The following MTF2 variants were observed in gnomAD, a reference collection of about 807,000 sequenced individuals.
The protein encoded by MTF2 is metal-response element-binding transcription factor 2.
A neutral mutation model predicts 79.5 loss-of-function variants in MTF2; 11 were observed. The observed-to-expected ratio is 0.14, with a 90% CI of 0.09 to 0.23. The LOEUF is 0.23. Ranked by LOEUF, MTF2 falls within the 10% of genes least tolerant of loss-of-function variation. The pLI is 1.00. For missense variants in MTF2, 486 were observed against 711.2 expected (o/e 0.68, Z 3.60); for synonymous variants, 208 against 232.8 (o/e 0.89, Z 0.97).
intron 1 of MTF2, among the ~76,000 whole-genome samples, chr1:93,090,689 A>T (rs956356203): frequency 1.6e-5 from 2 of 127,578 alleles, no homozygotes; most frequent in African/African-American, 3.0e-5. Context: ...TTTGAGACGG[A>T]GTCTAACTGT....
intron 1 of MTF2, among the ~76,000 whole-genome samples, chr1:93,105,188 A>AGGTTAGTG (rs1329425903): frequency 5.9e-5 from 8 of 135,252 alleles, no homozygotes; most frequent in Non-Finnish European, 9.5e-5. Context: ...GTTTGGGGGG[A>AGGTTAGTG]GGTTAGTGGG....
intron 1 of MTF2, among the ~76,000 whole-genome samples, chr1:93,086,022 T>C (rs1219102495): frequency 6.6e-6 from 1 of 152,212 alleles, no homozygotes; most frequent in Admixed American, 6.5e-5. Context: ...GTTTGTTTTA[T>C]ACCAACATCA....
At position 93,138,834 on chromosome 1, in the gene MTF2, ATTTCAT is replaced by A. The variant is rs1450892420; in HGVS notation, c.*1812_*1817del. On this transcript the variant is annotated 3_prime_UTR_variant, in exon 15 of 15. Coordinates refer to ENST00000370298, the MANE Select transcript of MTF2 (RefSeq NM_007358.4). ...TTATTCACTCCACCTGTATCATATT[ATTTCAT>A]TTTCCCCAAAGTCCTTTAATTCTAA... 6.6e-6 allele frequency: 1 copy of A among 152,182 alleles called. No individual in the cohort carries two copies. Among genetic ancestry groups the A allele is most frequent in the African/African-American group, 2.4e-5 (1 of 41,454 alleles). The allele number at this position is 152,182 out of a possible 1,614,324, so 9.4% of individuals were successfully genotyped here.
chr1:93,125,035 T>C (rs758403086), intron 9 of MTF2, among the ~76,000 whole-genome samples: 2 of 151,994 alleles, frequency 1.3e-5, no homozygotes, highest in Non-Finnish European at 2.9e-5. Flanking sequence ...CATGGAGTGC[T>C]GAAGGAACTT....
intron 1 of MTF2, among the ~76,000 whole-genome samples, chr1:93,107,601 C>G (rs1655848303): frequency 6.6e-6 from 1 of 152,212 alleles, no homozygotes; most frequent in Non-Finnish European, 1.5e-5. Context: ...GCTGAACTAG[C>G]AGCTTTTTCA....
intron 1 of MTF2, among the ~76,000 whole-genome samples, chr1:93,101,391 TTA>T (rs1655524380): frequency 7.2e-6 from 1 of 139,282 alleles, no homozygotes; most frequent in Admixed American, 7.2e-5. Context: ...TTTTTTTTTT[TTA>T]AAAGGAGATA....
intron 3 of MTF2, among the ~76,000 whole-genome samples, chr1:93,111,493 C>T (rs1450461816): frequency 2.6e-5 from 4 of 151,948 alleles, no homozygotes; most frequent in Non-Finnish European, 4.4e-5. Context: ...AGGTTTCTGC[C>T]ATGTTTTAGT....
intron 3 of MTF2, among the ~76,000 whole-genome samples, chr1:93,113,037 G>C (rs573313098): frequency 6.6e-6 from 1 of 152,062 alleles, no homozygotes. Flanking sequence ...TCTCATGATC[G>C]GAACCATAAA....
At chr1:93,096,847 G>C (rs1300093242) in intron 1 of MTF2, among the ~76,000 whole-genome samples, 1 of 135,616 alleles carries the variant, frequency 7.4e-6, no homozygotes, top group Non-Finnish European at 1.5e-5. Flanking sequence ...GTCTAGTTCA[G>C]CTTCCCAGGC....
intron 10 of MTF2, 181 bp from the exon 11 acceptor site, chr1:93,129,097 A>G: frequency 2.5e-6 from 1 of 407,980 alleles, no homozygotes; most frequent in Non-Finnish European, 4.4e-6. Flanking sequence ...CCTCCCCATC[A>G]TATCCTACTG....
chr1:93,079,426 C>A lies in MTF2; in HGVS notation c.-101C>A. On this transcript the variant is annotated 5_prime_UTR_variant, in exon 1 of 15. Coordinates refer to ENST00000370298, the MANE Select transcript of MTF2 (RefSeq NM_007358.4). ...CATATGTGCCGGGTACCCGGTGGGG[C>A]GGGTGCCCAGTAAGTGCTCGGACTC... 1 of 1,466,622 alleles carries A rather than the reference C, an allele frequency of 6.8e-7. No individual in the cohort carries two copies. The highest frequency in any genetic ancestry group is 9.5e-7 in the Non-Finnish European group (1 of 1,050,128). 90.9% of individuals were successfully genotyped at this position (1,466,622 alleles called of 1,614,324 possible).
At chr1:93,083,075 G>A (rs1028222442) in intron 1 of MTF2, among the ~76,000 whole-genome samples, 7 of 152,158 alleles carry the variant, frequency 4.6e-5, no homozygotes, top group East Asian at 1.9e-4. Flanking sequence ...AATTTTGATC[G>A]GCTTACGGTT....
At chr1:93,129,211 A>T in intron 10 of MTF2, 67 bp from the exon 11 acceptor site, 1 of 1,137,580 alleles carries the variant, frequency 8.8e-7, no homozygotes, top group Non-Finnish European at 1.2e-6. Context: ...TATGAAAGTT[A>T]AGTTAGGGTC....
At chr1:93,108,346 A>G (rs1417460138) in intron 1 of MTF2, among the ~76,000 whole-genome samples, 1 of 152,158 alleles carries the variant, frequency 6.6e-6, no homozygotes, top group East Asian at 1.9e-4. Context: ...TCGTAGTAGT[A>G]TTCATTGTAA....
At chr1:93,122,643 T>G (rs1656529566) in intron 9 of MTF2, among the ~76,000 whole-genome samples, 1 of 152,194 alleles carries the variant, frequency 6.6e-6, no homozygotes, top group African/African-American at 2.4e-5. Flanking sequence ...TATTTCCACT[T>G]TTTGACCATC....
chr1:93,112,210 G>A (rs756219457), intron 3 of MTF2, among the ~76,000 whole-genome samples: 3 of 152,116 alleles, frequency 2.0e-5, no homozygotes, highest in Non-Finnish European at 2.9e-5. Flanking sequence ...CCTGATATTA[G>A]CACATATGAA....
Position 93,137,338 on chromosome 1 carries a change from A to G in MTF2, c.*311A>G, listed in dbSNP as rs1647443210. 2 of 203,018 alleles carry G rather than the reference A, an allele frequency of 9.9e-6. No individual in the cohort carries two copies. The highest frequency in any genetic ancestry group is 5.3e-5 in the Admixed American group (1 of 19,032). The allele number at this position is 203,018 out of a possible 1,614,324, so 12.6% of individuals were successfully genotyped here. A position where few individuals can be genotyped will look rare whatever the true frequency, so the allele number is the denominator to read the frequency against. ...GTTAGACAATTTTTCTAATTATTCC[A>G]TTGAGTCAGTTTTTTGTGATTAGTG... On this transcript the variant is annotated 3_prime_UTR_variant, in exon 15 of 15. Coordinates refer to ENST00000370298, the MANE Select transcript of MTF2 (RefSeq NM_007358.4).
intron 1 of MTF2, among the ~76,000 whole-genome samples, chr1:93,107,263 T>C (rs1023366682): frequency 3.3e-5 from 5 of 152,220 alleles, no homozygotes; most frequent in African/African-American, 4.8e-5. Flanking sequence ...TTTGCTCTGT[T>C]GCCTAGGCTG....
At chr1:93,087,494 C>A (rs962198525) in intron 1 of MTF2, among the ~76,000 whole-genome samples, 2 of 151,912 alleles carry the variant, frequency 1.3e-5, no homozygotes, top group African/African-American at 4.8e-5. Flanking sequence ...ATTGCTTGAA[C>A]CCAGGAGGCA....
Sources: allele counts gnomAD v4.1 joint callset (sites outside exome capture counted in the v4.1 genomes callset), GRCh38; gene constraint gnomAD v4.1.1; transcripts MANE v1.5; gene names NCBI Gene and HGNC (gene_info 2026-07-23, HGNC 2026-07-21).